Variants in ROBO2 observed in about 807,000 individuals in gnomAD.
The protein encoded by ROBO2 is roundabout homolog 2.
In ROBO2, 53 loss-of-function variants were observed where a neutral mutation model predicts 160.8. The observed-to-expected ratio is 0.33, with a 90% CI of 0.26 to 0.41. The LOEUF is 0.41. Among genes scored for constraint, ROBO2 ranks in the 10% least tolerant of loss-of-function variants. ROBO2 has a pLI of 1.00. For missense variants in ROBO2, 1,577 were observed against 1,722.4 expected (o/e 0.92, Z 1.49); for synonymous variants, 664 against 611.7 (o/e 1.09, Z -1.26).
chr3:77,299,949 A>G (rs1438158062), intron 2 of ROBO2, among the ~76,000 whole-genome samples: 1 of 152,112 alleles, frequency 6.6e-6, no homozygotes, highest in Non-Finnish European at 1.5e-5. Context: ...ATGAAAATCA[A>G]TATGGGATTC....
chr3:77,356,810 G>T (rs1242762945), intron 2 of ROBO2, among the ~76,000 whole-genome samples: 1 of 152,004 alleles, frequency 6.6e-6, no homozygotes, highest in Admixed American at 6.6e-5. Context: ...TATATGACAC[G>T]ATATTTAATG....
chr3:77,124,678 T>C (rs1391791684), intron 2 of ROBO2, among the ~76,000 whole-genome samples: 2 of 152,172 alleles, frequency 1.3e-5, no homozygotes, highest in African/African-American at 4.8e-5. Context: ...ATAGGTATAC[T>C]GGCTTCAGAA....
At chr3:76,131,012 A>G (rs1385278206) in intron 2 of ROBO2, among the ~76,000 whole-genome samples, 2 of 152,196 alleles carry the variant, frequency 1.3e-5, no homozygotes, top group Admixed American at 6.5e-5. Context: ...AATGCTGAGA[A>G]GAATTCACAA....
At chr3:77,135,096 C>T (rs1053325955) in intron 2 of ROBO2, among the ~76,000 whole-genome samples, 2 of 152,076 alleles carry the variant, frequency 1.3e-5, no homozygotes, top group African/African-American at 4.8e-5. Flanking sequence ...CCTAGAAGCC[C>T]GTATAAGAGG....
intron 2 of ROBO2, among the ~76,000 whole-genome samples, chr3:76,808,249 CT>C (rs539846558): frequency 6.9e-4 from 105 of 152,208 alleles, no homozygotes; most frequent in African/African-American, 2.4e-3. Context: ...CACAGGACCC[CT>C]GTCCTTAACC....
intron 17 of ROBO2, 95 bp from the exon 19 acceptor site, chr3:77,595,041 GGCCTCA>G: frequency 1.1e-6 from 1 of 882,188 alleles, no homozygotes; most frequent in South Asian, 1.4e-5. Context: ...AATTCCCAGA[GGCCTCA>G]GCTCTAAACT....
intron 2 of ROBO2, among the ~76,000 whole-genome samples, chr3:76,799,233 C>CG: frequency 6.8e-6 from 1 of 147,692 alleles, no homozygotes; most frequent in South Asian, 2.1e-4. Context: ...AAAAACAAAA[C>CG]AAAAAAAAAA....
At chr3:76,293,921 C>T (rs563182077) in intron 2 of ROBO2, among the ~76,000 whole-genome samples, 33 of 152,304 alleles carry the variant, frequency 2.2e-4, no homozygotes, top group Non-Finnish European at 4.0e-4. Context: ...ATTCACGGCA[C>T]CCAGGCTGTT....
chr3:76,568,549 A>G (rs941915728), intron 2 of ROBO2, among the ~76,000 whole-genome samples: 3 of 149,544 alleles, frequency 2.0e-5, no homozygotes, highest in Non-Finnish European at 4.5e-5. Flanking sequence ...CTCGTGATCC[A>G]CCCGCCTCGG....
chr3:76,211,073 C>T (rs1371494249), intron 2 of ROBO2, among the ~76,000 whole-genome samples: 1 of 151,960 alleles, frequency 6.6e-6, no homozygotes, highest in Non-Finnish European at 1.5e-5. Context: ...AACTTAACTA[C>T]CTCTTCTAAT....
chr3:76,302,943 C>T (rs1017872297), intron 2 of ROBO2, among the ~76,000 whole-genome samples: 6 of 151,794 alleles, frequency 4.0e-5, no homozygotes, highest in Admixed American at 2.0e-4. Flanking sequence ...CAGGAATATC[C>T]CATGTTTGGA....
intron 2 of ROBO2, among the ~76,000 whole-genome samples, chr3:76,873,743 G>A (rs998223061): frequency 9.2e-5 from 14 of 152,224 alleles, no homozygotes; most frequent in African/African-American, 2.6e-4. Context: ...CAATGGTGGC[G>A]TCAACACAAA....
chr3:77,317,364 C>T, intron 2 of ROBO2: 1 of 905,400 alleles, frequency 1.1e-6, no homozygotes, highest in Non-Finnish European at 1.8e-6. Context: ...CATCTCGGTG[C>T]CTAGTGTATT....
intron 23 of ROBO2, chr3:77,633,187 A>T (rs2153714536): frequency 6.6e-6 from 1 of 152,316 alleles, no homozygotes; most frequent in African/African-American, 2.4e-5. Context: ...TTAATACAAT[A>T]ATTTATTATT....
chr3:76,622,806 T>C (rs1431683093), intron 2 of ROBO2, among the ~76,000 whole-genome samples: 1 of 152,178 alleles, frequency 6.6e-6, no homozygotes, highest in African/African-American at 2.4e-5. Flanking sequence ...GCTTACAATG[T>C]GGTTTCTATT....
intron 2 of ROBO2, among the ~76,000 whole-genome samples, chr3:76,887,464 G>A (rs894890094): frequency 3.3e-5 from 5 of 151,868 alleles, no homozygotes; most frequent in South Asian, 4.2e-4. Flanking sequence ...TAACTGAGTC[G>A]TAAGGTGCAG....
intron 2 of ROBO2, among the ~76,000 whole-genome samples, chr3:77,398,987 G>T (rs890177141): frequency 6.6e-6 from 1 of 152,072 alleles, no homozygotes; most frequent in Non-Finnish European, 1.5e-5. Flanking sequence ...TACAGTCAAG[G>T]TCCTGTTTCA....
chr3:76,333,787 A>G (rs934965327), intron 2 of ROBO2, among the ~76,000 whole-genome samples: 1 of 152,156 alleles, frequency 6.6e-6, no homozygotes, highest in African/African-American at 2.4e-5. Flanking sequence ...AGTCTTTGCT[A>G]TTGTGAGTAG....
chr3:77,010,049 T>C (rs1036432667), intron 2 of ROBO2, among the ~76,000 whole-genome samples: 3 of 151,962 alleles, frequency 2.0e-5, no homozygotes, highest in African/African-American at 7.2e-5. Flanking sequence ...CAGAATTCCA[T>C]TAACTTAATT....
Sources: gnomAD v4.1 joint callset for allele counts (sites outside exome capture counted in the v4.1 genomes callset) on GRCh38, gnomAD v4.1.1 for gene constraint, MANE v1.5 for transcripts, NCBI Gene and HGNC (gene_info 2026-07-23, HGNC 2026-07-21) for gene names.